ZIC5: variants seen among roughly 807,000 people sequenced by gnomAD.
ZIC5 encodes the protein zinc finger protein ZIC 5.
In ZIC5, 20 loss-of-function variants were observed where a neutral mutation model predicts 28.5. That is an observed-to-expected ratio of 0.70 (90% CI 0.49 to 1.02). ZIC5 has a LOEUF of 1.02. Among genes scored for constraint, ZIC5 ranks in the 50% least tolerant of loss-of-function variants. The pLI is 0.00. For synonymous variants in ZIC5, 488 were observed against 410.4 expected, an observed-to-expected ratio of 1.19 and a Z score of -2.29; for missense variants, 951 against 899.7, an observed-to-expected ratio of 1.06 and a Z score of -0.73.
intron 1 of ZIC5, 81 bp from the exon 2 acceptor site, chr13:99,965,900 T>G: frequency 6.9e-7 from 1 of 1,456,558 alleles, no homozygotes; most frequent in Non-Finnish European, 9.3e-7. Context: ...GAACCAAGGT[T>G]GTGTTTTTCC....
In ZIC5 at chr13:99,965,836, G is replaced by A; in HGVS notation, c.1478-17C>T. On this transcript the variant is annotated splice_polypyrimidine_tract_variant and intron_variant, in intron 1 of 1. Transcript: ENST00000267294. ...GCTTTTCCCCTGCAAGGAAACACAG[G>A]AAAGGTCAACAATGGCTTTCCAAGA... The A allele has an allele frequency of 1.2e-6, 2 of 1,600,812 alleles. No individual in the cohort carries two copies. The highest frequency in any genetic ancestry group is 1.7e-6 in the Non-Finnish European group (2 of 1,172,370).
At chr13:99,969,631 C>G (rs2053130538) in intron 1 of ZIC5, among the ~76,000 whole-genome samples, 1 of 152,142 alleles carries the variant, frequency 6.6e-6, no homozygotes, top group East Asian at 1.9e-4. Context: ...CAGCAAATCC[C>G]ACGCCCGGTC....
chr13:99,970,432 G>GGCGGCGGCGGCGGCGGCA lies in ZIC5; in HGVS notation c.1154_1171dup (p.Leu385_Pro390dup), dbSNP rs2053141469. Reference sequence around the variant, plus strand: ...GGGCGGTGGCGGCGGCGGCGGCGGCGGCGGCGGCGGCGGCGGCAGCCCGGC... The same window carrying GGCGGCGGCGGCGGCGGCA: ...GGGCGGTGGCGGCGGCGGCGGCGGCGGCGGCGGCGGCGGCGGCAGCGGCGGCGGCGGCGGCAGCCCGGC... On this transcript the variant is annotated inframe_insertion, in exon 1 of 2. Transcript: ENST00000267294. 1 of 1,035,134 alleles carries GGCGGCGGCGGCGGCGGCA rather than the reference G, an allele frequency of 9.7e-7. No homozygotes were observed. Among genetic ancestry groups the GGCGGCGGCGGCGGCGGCA allele is most frequent in the Non-Finnish European group, 1.2e-6 (1 of 861,544 alleles). The allele number at this position is 1,035,134 out of a possible 1,614,324, so 64.1% of individuals were successfully genotyped here.
chr13:99,967,090 G>C (rs1451150396), intron 1 of ZIC5, among the ~76,000 whole-genome samples: 2 of 152,174 alleles, frequency 1.3e-5, no homozygotes, highest in East Asian at 1.9e-4. Context: ...TGGATAACTT[G>C]TTTTCAAAAA....
intron 1 of ZIC5, among the ~76,000 whole-genome samples, chr13:99,969,280 T>C (rs905272869): frequency 1.3e-5 from 2 of 152,142 alleles, no homozygotes; most frequent in African/African-American, 4.8e-5. Flanking sequence ...TCACCGATGG[T>C]GGGAGGCTCG....
In ZIC5 at chr13:99,971,628, G is replaced by A. The variant is rs11619501; in HGVS notation, c.-25C>T. On this transcript the variant is annotated 5_prime_UTR_variant, in exon 1 of 2. Transcript: ENST00000267294. ...TCAGAACTACACAATCAGGCCCATAGACCCTCACTGGGGGGACTTTATTCC... is the reference window on the plus strand; with the variant it reads ...TCAGAACTACACAATCAGGCCCATAAACCCTCACTGGGGGGACTTTATTCC... The A allele has an allele frequency of 0.031, 48,161 of 1,560,686 alleles. 870 individuals are homozygous for A. The highest frequency in any genetic ancestry group is 0.05 in the South Asian group (4,273 of 84,738).
At chr13:99,968,919 C>T (rs1459059239) in intron 1 of ZIC5, among the ~76,000 whole-genome samples, 2 of 152,314 alleles carry the variant, frequency 1.3e-5, no homozygotes, top group East Asian at 3.9e-4. Flanking sequence ...CCCCGCAGAG[C>T]CCCGAGCGCC....
rs754364947 is a variant in ZIC5, at chr13:99,970,150, T to C, written c.1454A>G (p.Lys485Arg). The change falls in exon 1 of 2, where the codon AAG becomes AGG. Residue 485 changes from lysine to arginine, a missense_variant. Coordinates refer to ENST00000267294, the MANE Select transcript of ZIC5 (RefSeq NM_033132.5). ...ACCTGTATGAGTACGCTTGTGGATC[T>C]TGAGGTTCTCGGAGCGCGCGAAGAC... ...GKVFARSENL[K>R]IHKRTHTGEK... is the part of the protein sequence containing the mutation. 1.9e-6 allele frequency: 3 copies of C among 1,607,002 alleles called. No homozygotes were observed. Among genetic ancestry groups the C allele is most frequent in the South Asian group, 1.1e-5 (1 of 90,762 alleles).
In ZIC5 at chr13:99,965,250, T is replaced by C. The variant is rs766606679; in HGVS notation, c.*127A>G. On this transcript the variant is annotated 3_prime_UTR_variant, in exon 2 of 2. Coordinates refer to ENST00000267294, the MANE Select transcript of ZIC5 (RefSeq NM_033132.5). ...ACCATAGGGTTTCATACTGAATAAA[T>C]AGGGCTAATTAGACCCGGTGGCAAG... is the stretch of plus-strand genomic sequence containing the variant. 2.6e-4 allele frequency: 196 copies of C among 740,278 alleles called. No individual in the cohort carries two copies. Among genetic ancestry groups the C allele is most frequent in the African/African-American group, 4.7e-4 (26 of 55,568 alleles). 45.9% of individuals were successfully genotyped at this position (740,278 alleles called of 1,614,324 possible).
At position 99,968,991 on chromosome 13, in the gene ZIC5, C is replaced by A. The variant is rs531150518; in HGVS notation, c.1477+1136G>T. Among the ~76,000 whole-genome samples the A allele has an allele frequency of 2.0e-3, 311 of 152,348 alleles. 3 individuals carry two copies. Among genetic ancestry groups the A allele is most frequent in the East Asian group, 4.6e-3 (24 of 5,174 alleles). On this transcript the variant is annotated intron_variant, in intron 1 of 1. Coordinates refer to ENST00000267294, the MANE Select transcript of ZIC5 (RefSeq NM_033132.5). The stretch of plus-strand genomic sequence containing the variant: ...GCCGCAGCAGCGCCGATAAATCTGC[C>A]AAGTGATTACTGAACGTAAACTCCA...
At chr13:99,971,851 T>G (rs2053163962), upstream of ZIC5, 2 of 753,222 alleles carry the variant, frequency 2.7e-6, no homozygotes, top group Non-Finnish European at 4.2e-6. Flanking sequence ...TGATTGGCAG[T>G]AGCCTCGGCT....
intron 1 of ZIC5, among the ~76,000 whole-genome samples, chr13:99,969,784 C>T (rs2053132177): frequency 6.6e-6 from 1 of 152,180 alleles, no homozygotes; most frequent in Admixed American, 6.5e-5. Context: ...TGGGCGCCTT[C>T]CTGCTCCAGC....
At chr13:99,968,709 G>T (rs1272513574) in intron 1 of ZIC5, among the ~76,000 whole-genome samples, 1 of 152,230 alleles carries the variant, frequency 6.6e-6, no homozygotes, top group Non-Finnish European at 1.5e-5. Context: ...CTGGGCACAG[G>T]AGCGAGCAGC....
At chr13:99,968,025 A>G (rs974738615) in intron 1 of ZIC5, among the ~76,000 whole-genome samples, 7 of 152,342 alleles carry the variant, frequency 4.6e-5, no homozygotes, top group Admixed American at 4.6e-4. Context: ...CTCTCCCGAG[A>G]GAGCGCGAGT....
Position 99,971,112 on chromosome 13 carries a change from G to T in ZIC5, c.492C>A (p.Ser164Arg). The change falls in exon 1 of 2, where the codon AGC becomes AGA. Residue 164 changes from serine (S) to arginine (R), a missense_variant. This residue lies in a region of ZIC5 where 784 missense variants were observed against 660.1 expected (regional missense o/e 1.19). Transcript: ENST00000267294. The stretch of plus-strand genomic sequence containing the variant: ...AGTCCCTGCTGTGGCCTTTGCCGCT[G>T]CTGCCGCCGCCGCCACTGTTGGTGG... ...YTTTNSGGGG[S>R]SGKGHSRDFV... 7.0e-7 allele frequency: 1 copy of T among 1,435,884 alleles called. No homozygotes were observed. The highest frequency in any genetic ancestry group is 9.1e-7 in the Non-Finnish European group (1 of 1,104,476). The allele number at this position is 1,435,884 out of a possible 1,614,324, so 88.9% of individuals were successfully genotyped here. A position where few individuals can be genotyped will look rare whatever the true frequency, so the allele number is the denominator to read the frequency against.
Position 99,970,349 on chromosome 13 carries a change from T to A in ZIC5, c.1255A>T (p.Asn419Tyr). Residue 419 changes from asparagine (N) to tyrosine (Y), a missense_variant, in exon 1 of 2, where the codon AAT becomes TAT. By Grantham distance (143) the Asn-to-Tyr change is moderately radical. Coordinates refer to ENST00000267294, the MANE Select transcript of ZIC5 (RefSeq NM_033132.5). ...KTFGTMHELV[N>Y]HVTVEHVGGP... ...CCCACGTGCTCCACCGTGACGTGAT[T>A]CACCAGCTCGTGCATGGTGCCGAAA... 6.2e-7 allele frequency: 1 copy of A among 1,603,316 alleles called. No individual in the cohort carries two copies. The highest frequency in any genetic ancestry group is 8.5e-7 in the Non-Finnish European group (1 of 1,176,404).
intron 1 of ZIC5, among the ~76,000 whole-genome samples, chr13:99,968,843 C>A (rs1305221699): frequency 6.6e-6 from 1 of 152,164 alleles, no homozygotes; most frequent in Non-Finnish European, 1.5e-5. Flanking sequence ...TGCTCCCCAC[C>A]GGCCATCAGG....
chr13:99,969,392 T>C (rs1442785421), intron 1 of ZIC5, among the ~76,000 whole-genome samples: 5 of 151,930 alleles, frequency 3.3e-5, no homozygotes, highest in Non-Finnish European at 7.4e-5. Context: ...GTGGGGCGTG[T>C]AAATGATGTG....
intron 1 of ZIC5, among the ~76,000 whole-genome samples, chr13:99,967,616 G>A (rs990499648): frequency 4.6e-5 from 7 of 152,180 alleles, no homozygotes; most frequent in African/African-American, 1.7e-4. Context: ...TTTGAGCATG[G>A]TCGTTTCTGT....
Sources: gnomAD v4.1 joint callset for allele counts (sites outside exome capture counted in the v4.1 genomes callset) on GRCh38, gnomAD v4.1.1 for gene constraint, gnomAD v4.1.1 regional missense constraint, MANE v1.5 for transcripts, NCBI Gene and HGNC (gene_info 2026-07-23, HGNC 2026-07-21) for gene names.